Variants in RALGAPA2 observed in about 807,000 individuals in gnomAD.
RALGAPA2 encodes Ral GTPase activating protein catalytic subunit alpha 2.
RALGAPA2 carries 139 observed loss-of-function variants against 230.4 expected under a neutral mutation model. That is an observed-to-expected ratio of 0.60 (90% CI 0.53 to 0.69). The LOEUF (loss-of-function observed/expected upper bound fraction) is 0.69. Ranked by LOEUF, RALGAPA2 falls within the 30% of genes least tolerant of loss-of-function variation. The probability of loss-of-function intolerance (pLI) is 0.00; values close to 1 mark genes in which losing one functional copy is unlikely to be tolerated. For synonymous variants in RALGAPA2, 847 were observed against 837.8 expected, an observed-to-expected ratio of 1.01 and a Z score of -0.19; for missense variants, 2,163 against 2,276.0, an observed-to-expected ratio of 0.95 and a Z score of 1.01.
intron 3 of RALGAPA2, chr20:20,660,108 C>T (rs116953481): frequency 0.016 from 2,757 of 167,638 alleles, 104 homozygotes; most frequent in East Asian, 0.14. Context: ...AGCCGGGGGC[C>T]GTGATGGCGC....
In RALGAPA2 at chr20:20,606,241, C is replaced by T. The variant is rs544165236; in HGVS notation, c.1801-829G>A. Among the ~76,000 whole-genome samples, 57 of 152,294 alleles carry T rather than the reference C, an allele frequency of 3.7e-4. 1 individual carries two copies. In the South Asian group the frequency reaches 0.012, roughly 31 times the overall value. ...TCCTCATCCCCCAGGCAACAGACTG[C>T]TCTGGTTCTCCCCTTTCTGAGGCCA... On this transcript the variant is annotated intron_variant, in intron 14 of 39. Transcript: ENST00000202677.
chr20:20,652,246 A>C (rs2146599327), intron 4 of RALGAPA2, among the ~76,000 whole-genome samples: 1 of 152,246 alleles, frequency 6.6e-6, no homozygotes, highest in South Asian at 2.1e-4. Context: ...GCATTCTTTC[A>C]GGTTCCACAA....
chr20:20,487,848 G>T (rs1008784000), intron 36 of RALGAPA2, among the ~76,000 whole-genome samples: 2 of 151,648 alleles, frequency 1.3e-5, no homozygotes, highest in African/African-American at 4.8e-5. Context: ...GGAGGCAGAG[G>T]TTGCAGTGAG....
At chr20:20,507,989 T>C (rs899196843) in intron 33 of RALGAPA2, among the ~76,000 whole-genome samples, 1 of 152,238 alleles carries the variant, frequency 6.6e-6, no homozygotes, top group Admixed American at 6.5e-5. Context: ...AAAAACAGCC[T>C]CAGGTTTATC....
chr20:20,550,266 G>A (rs2063886893), intron 23 of RALGAPA2, among the ~76,000 whole-genome samples: 1 of 152,090 alleles, frequency 6.6e-6, no homozygotes, highest in Admixed American at 6.5e-5. Context: ...GAGTTACTTC[G>A]CTTAGAATAA....
intron 28 of RALGAPA2, 149 bp downstream of exon 28, chr20:20,526,103 A>C (rs1416338427): frequency 6.3e-6 from 4 of 636,678 alleles, no homozygotes; most frequent in Non-Finnish European, 1.1e-5. Context: ...GCTGAGAAGA[A>C]CCAGTCTAAC....
chr20:20,635,280 G>C, intron 9 of RALGAPA2, 138 bp downstream of exon 9: 1 of 873,816 alleles, frequency 1.1e-6, no homozygotes, highest in Non-Finnish European at 1.8e-6. Flanking sequence ...ATTACAGACA[G>C]GGTAGGCCAA....
Position 20,584,872 on chromosome 20 carries a change from T to C in RALGAPA2, c.2523A>G (p.Arg841=). The change falls in exon 19 of 40, where the codon AGA becomes AGG. Residue 841 remains arginine, a synonymous_variant. Coordinates refer to ENST00000202677, the MANE Select transcript of RALGAPA2 (RefSeq NM_020343.4). ...ACATTTCCCGGAACTTACTCTTCTG[T>C]CTTTCCCTACATTTTCCTTGTGTCT... ...LQQTQGKCRE[R]QKSESTNSDT... is the part of the protein sequence containing the mutation. 6.2e-7 allele frequency: 1 copy of C among 1,607,008 alleles called. No individual in the cohort carries two copies. Among genetic ancestry groups the C allele is most frequent in the Non-Finnish European group, 8.5e-7 (1 of 1,174,228 alleles).
At position 20,405,958 on chromosome 20, in the gene RALGAPA2, G is replaced by A. The variant is rs545048584; in HGVS notation, c.5617+6069C>T. 5.3e-5 allele frequency among the ~76,000 whole-genome samples: 8 copies of A among 152,304 alleles called. No homozygotes were observed. In the East Asian group the frequency reaches 9.7e-4, roughly 18 times the overall value. ...ATTCACTCCTGTTGCATGTAGGAAA[G>A]AAATCCCATGTACCAGTCTCTAAAG... On this transcript the variant is annotated intron_variant, in intron 38 of 39. Coordinates refer to ENST00000202677, the MANE Select transcript of RALGAPA2 (RefSeq NM_020343.4).
chr20:20,524,419 T>C lies in RALGAPA2; in HGVS notation c.3887A>G (p.Asp1296Gly), dbSNP rs1358061122. The C allele has an allele frequency of 6.2e-7, 1 of 1,613,590 alleles. No individual in the cohort carries two copies. The highest frequency in any genetic ancestry group is 1.1e-5 in the South Asian group (1 of 91,042). Residue 1296 changes from aspartate (D) to glycine (G), a missense_variant, in exon 30 of 40, where the codon GAT becomes GGT. Physicochemically the swap from Asp to Gly is moderately conservative, Grantham distance 94. Transcript: ENST00000202677. Reference protein sequence around the residue: ...EQHSARAPLLDYIYRVLHCCV... With the variant: ...EQHSARAPLLGYIYRVLHCCV... ...GTGTAGACTCACCCTGTAGATATAA[T>C]CCAGCAAGGGGGCTCTGGCCGAATG...
At chr20:20,563,081 A>G (rs2145852381) in intron 23 of RALGAPA2, among the ~76,000 whole-genome samples, 1 of 152,318 alleles carries the variant, frequency 6.6e-6, no homozygotes, top group South Asian at 2.1e-4. Flanking sequence ...AATTTGTACA[A>G]TAAGCACAAA....
intron 10 of RALGAPA2, among the ~76,000 whole-genome samples, chr20:20,628,165 TA>T (rs2066549474): frequency 6.6e-6 from 1 of 152,248 alleles, no homozygotes; most frequent in Non-Finnish European, 1.5e-5. Context: ...TACACTGCTA[TA>T]GATTAGGTTG....
intron 24 of RALGAPA2, among the ~76,000 whole-genome samples, chr20:20,541,650 G>A (rs1463476548): frequency 6.6e-6 from 1 of 152,206 alleles, no homozygotes; most frequent in Non-Finnish European, 1.5e-5. Flanking sequence ...GGGGTGCAAT[G>A]TAAAGCTCTG....
intron 14 of RALGAPA2, among the ~76,000 whole-genome samples, chr20:20,611,058 A>G (rs768741712): frequency 6.6e-6 from 1 of 152,140 alleles, no homozygotes. Flanking sequence ...CCTTCCACCA[A>G]GGCCATCAGA....
At chr20:20,515,850 G>T (rs573464644) in intron 31 of RALGAPA2, among the ~76,000 whole-genome samples, 19 of 144,410 alleles carry the variant, frequency 1.3e-4, no homozygotes, top group African/African-American at 3.9e-4. Flanking sequence ...GGAGTGGGGC[G>T]GGGGGGGCAG....
intron 39 of RALGAPA2, among the ~76,000 whole-genome samples, chr20:20,394,901 A>AAAAAAAAAAAG (rs2059678360): frequency 6.6e-6 from 1 of 150,910 alleles, no homozygotes; most frequent in Non-Finnish European, 1.5e-5. Flanking sequence ...AAAAAAAAAA[A>AAAAAAAAAAAG]AAAAAAAAAG....
rs773922641 is a variant in RALGAPA2, at chr20:20,629,472, G to A, written c.1124C>T (p.Ser375Phe). 6.2e-7 allele frequency: 1 copy of A among 1,613,930 alleles called. No individual in the cohort carries two copies. The highest frequency in any genetic ancestry group is 8.5e-7 in the Non-Finnish European group (1 of 1,179,890). Residue 375 changes from serine to phenylalanine, a missense_variant, in exon 10 of 40, where the codon TCC (serine) becomes TTC (phenylalanine). Coordinates refer to ENST00000202677, the MANE Select transcript of RALGAPA2 (RefSeq NM_020343.4). Reference protein sequence around the residue: ...STLSDRRLSNSSLCSIEEEHR... With the variant: ...STLSDRRLSNFSLCSIEEEHR... ...CTCTTCTTCAATGCTACAGAGGCTG[G>A]AGTTGCTGAGTCTTCGGTCCGACAA...
chr20:20,581,673 T>G (rs115028581), intron 20 of RALGAPA2, among the ~76,000 whole-genome samples: 1,603 of 152,318 alleles, frequency 0.011, 29 homozygotes, highest in African/African-American at 0.036. Flanking sequence ...ATAGTATTAT[T>G]AGTCAAAATC....
At chr20:20,573,130 C>A in intron 20 of RALGAPA2, 62 bp from the exon 21 acceptor site, 1 of 1,324,714 alleles carries the variant, frequency 7.5e-7, no homozygotes. Context: ...TACCTTTTTT[C>A]TTTAAGGCAA....
Sources: gnomAD v4.1 joint callset for allele counts (sites outside exome capture counted in the v4.1 genomes callset) on GRCh38, gnomAD v4.1.1 for gene constraint, MANE v1.5 for transcripts, NCBI Gene and HGNC (gene_info 2026-07-23, HGNC 2026-07-21) for gene names.